Variants in ADGRA3 observed in about 807,000 individuals in gnomAD.
The protein encoded by ADGRA3 is G-protein coupled receptor 125.
ADGRA3 carries 56 observed loss-of-function variants against 119.8 expected under a neutral mutation model. The observed-to-expected ratio is 0.47, with a 90% CI of 0.38 to 0.58. ADGRA3 has a LOEUF of 0.58. ADGRA3 is among the 20% of genes least tolerant of loss of function. The pLI is 0.00. For missense variants in ADGRA3, 1,516 were observed against 1,649.0 expected (o/e 0.92, Z 1.40); for synonymous variants, 607 against 623.8 (o/e 0.97, Z 0.40).
chr4:22,499,731 A>G (rs1434759725), intron 1 of ADGRA3, among the ~76,000 whole-genome samples: 1 of 152,216 alleles, frequency 6.6e-6, no homozygotes, highest in Non-Finnish European at 1.5e-5. Flanking sequence ...ACCGTATAAT[A>G]AATGGATGAT....
chr4:22,467,437 G>A (rs1377463036), intron 2 of ADGRA3, among the ~76,000 whole-genome samples: 1 of 152,092 alleles, frequency 6.6e-6, no homozygotes, highest in Non-Finnish European at 1.5e-5. Flanking sequence ...TTTTGCATAA[G>A]CTAAAAAGCT....
chr4:22,503,772 T>G (rs1173644319), intron 1 of ADGRA3, among the ~76,000 whole-genome samples: 3 of 152,150 alleles, frequency 2.0e-5, no homozygotes, highest in Non-Finnish European at 4.4e-5. Context: ...CATTTACTAA[T>G]CACATACTGT....
In ADGRA3 at chr4:22,413,637, G is replaced by A. The variant is rs940891886; in HGVS notation, c.1987C>T (p.Arg663Cys). 1.1e-5 allele frequency: 17 copies of A among 1,613,952 alleles called. No homozygotes were observed. Among genetic ancestry groups the A allele is most frequent in the East Asian group, 2.2e-5 (1 of 44,862 alleles). The part of the protein sequence containing the change: ...STNLADDGKR[R>C]TVVTPVILTK... ...AGAATCACAGGGGTAACCACAGTACGTCGTTTTCCATCATCAGCCAAATTT... is the reference window on the plus strand; with the variant it reads ...AGAATCACAGGGGTAACCACAGTACATCGTTTTCCATCATCAGCCAAATTT... Residue 663 changes from arginine to cysteine, a missense_variant, in exon 13 of 19, where the codon CGT becomes TGT. Around this residue, in one of 2 missense-constraint regions of ADGRA3, gnomAD observed 1,088 missense variants for 1,107.1 expected, o/e 0.98. Coordinates refer to ENST00000334304, the MANE Select transcript of ADGRA3 (RefSeq NM_145290.4).
intron 3 of ADGRA3, among the ~76,000 whole-genome samples, chr4:22,459,327 G>T (rs780645076): frequency 9.2e-5 from 14 of 151,928 alleles, no homozygotes; most frequent in Non-Finnish European, 1.8e-4. Context: ...GAGGGAGGAG[G>T]GTGGAAGGAG....
intron 17 of ADGRA3, among the ~76,000 whole-genome samples, chr4:22,391,846 C>T (rs572000213): frequency 1.3e-5 from 2 of 152,250 alleles, no homozygotes; most frequent in East Asian, 3.9e-4. Context: ...GTAAAGTTCA[C>T]GCCAGTGGTC....
In ADGRA3 at chr4:22,392,586, C is replaced by G. The variant is rs1714178209; in HGVS notation, c.2586G>C (p.Gln862His). The change falls in exon 17 of 19, where the codon CAG becomes CAC. Residue 862 changes from glutamine (Q) to histidine (H), a missense_variant. Gln to His is a conservative substitution (Grantham distance 24). Transcript: ENST00000334304. The part of the protein sequence containing the change: ...KQVTKKAKRC[Q>H]DPDEPPPPPR... ...GTGGAGGTGGTGGTTCATCAGGATCCTGGCATCTTTTAGCTTTTTTAGTGA... is the reference window on the plus strand; with the variant it reads ...GTGGAGGTGGTGGTTCATCAGGATCGTGGCATCTTTTAGCTTTTTTAGTGA... The G allele has an allele frequency of 6.2e-7, 1 of 1,613,804 alleles. No individual in the cohort carries two copies. Among genetic ancestry groups the G allele is most frequent in the South Asian group, 1.1e-5 (1 of 91,082 alleles).
chr4:22,499,121 C>T (rs1718958360), intron 1 of ADGRA3, among the ~76,000 whole-genome samples: 1 of 152,132 alleles, frequency 6.6e-6, no homozygotes, highest in Non-Finnish European at 1.5e-5. Context: ...CCCCCCTTCC[C>T]CGAACAAGTA....
In ADGRA3 at chr4:22,387,383, TAACA is replaced by T. The variant is rs931590244; in HGVS notation, c.*318_*321del. The T allele has an allele frequency of 5.8e-5, 13 of 224,062 alleles. No homozygotes were observed. Among genetic ancestry groups the T allele is most frequent in the African/African-American group, 3.0e-4 (13 of 43,772 alleles). 13.9% of individuals were successfully genotyped at this position (224,062 alleles called of 1,614,324 possible). ...ATATAAAAATAACAGATCGACACAA[TAACA>T]AACACCTATTTATTATATTAAATAC... is the stretch of plus-strand genomic sequence containing the variant. On this transcript the variant is annotated 3_prime_UTR_variant, in exon 19 of 19. Transcript: ENST00000334304.
intron 1 of ADGRA3, among the ~76,000 whole-genome samples, chr4:22,494,320 AAAAAGGGGAG>A (rs1718736641): frequency 6.6e-6 from 1 of 151,918 alleles, no homozygotes; most frequent in African/African-American, 2.4e-5. Context: ...TATATGGTCT[AAAAAGGGGAG>A]GCATGAATAA....
At chr4:22,446,380 C>T (rs1020610791) in intron 5 of ADGRA3, among the ~76,000 whole-genome samples, 1 of 152,134 alleles carries the variant, frequency 6.6e-6, no homozygotes, top group African/African-American at 2.4e-5. Flanking sequence ...GCCAGACTAG[C>T]TTTTGTCTTT....
intron 1 of ADGRA3, 57 bp downstream of exon 1, chr4:22,515,471 C>G (rs1254647661): frequency 3.2e-6 from 5 of 1,568,266 alleles, no homozygotes; most frequent in Non-Finnish European, 3.5e-6. Flanking sequence ...CAAAGTTGAG[C>G]GGAGAGATAA....
intron 1 of ADGRA3, among the ~76,000 whole-genome samples, chr4:22,496,616 T>C (rs557473503): frequency 2.0e-5 from 3 of 152,246 alleles, no homozygotes; most frequent in South Asian, 2.1e-4. Context: ...AAGGGTGAAA[T>C]TGCTTAATAT....
At chr4:22,495,053 A>G (rs963604327) in intron 1 of ADGRA3, among the ~76,000 whole-genome samples, 3 of 152,062 alleles carry the variant, frequency 2.0e-5, no homozygotes, top group Admixed American at 2.0e-4. Flanking sequence ...AATGTACTGT[A>G]ATAAAAATTA....
At chr4:22,457,533 G>A (rs1323150861) in intron 3 of ADGRA3, among the ~76,000 whole-genome samples, 1 of 152,126 alleles carries the variant, frequency 6.6e-6, no homozygotes, top group Admixed American at 6.5e-5. Flanking sequence ...GTATCTTCTA[G>A]TGGGAAGAAT....
chr4:22,460,006 C>T (rs1308866292), intron 3 of ADGRA3, among the ~76,000 whole-genome samples: 1 of 152,176 alleles, frequency 6.6e-6, no homozygotes, highest in Non-Finnish European at 1.5e-5. Context: ...CTACTTTCTG[C>T]TCTGATCAAA....
At chr4:22,508,296 G>A (rs942257747) in intron 1 of ADGRA3, among the ~76,000 whole-genome samples, 4 of 152,174 alleles carry the variant, frequency 2.6e-5, no homozygotes, top group African/African-American at 9.7e-5. Context: ...CCCAGACTGG[G>A]CTTCCAAGGC....
Position 22,388,929 on chromosome 4 carries a change from T to C in ADGRA3, c.2742A>G (p.Glu914=), listed in dbSNP as rs779731665. 1.9e-6 allele frequency: 3 copies of C among 1,612,150 alleles called. No homozygotes were observed. Among genetic ancestry groups the C allele is most frequent in the South Asian group, 1.1e-5 (1 of 90,946 alleles). ...GCCCATAGAAGGCTCCCAAGGAGGG[T>C]TCCCATGCCATCCAGCAACTGGAAA... ...PNAPYCWMAW[E]PSLGAFYGPA... is the part of the protein sequence containing the mutation. Residue 914 remains glutamate (E), a synonymous_variant, in exon 19 of 19, where the codon GAA becomes GAG. Coordinates refer to ENST00000334304, the MANE Select transcript of ADGRA3 (RefSeq NM_145290.4).
At position 22,447,430 on chromosome 4, in the gene ADGRA3, T is replaced by G. The variant is rs1560322050; in HGVS notation, c.545+10A>C. On this transcript the variant is annotated intron_variant, in intron 5 of 18. Coordinates refer to ENST00000334304, the MANE Select transcript of ADGRA3 (RefSeq NM_145290.4). ...CAAAAAAAAAAAGAGAGAAAAAAAT[T>G]CTTACTTACAAAGACCGTAATGACG... 6.8e-7 allele frequency: 1 copy of G among 1,462,028 alleles called. No individual in the cohort carries two copies. 90.6% of individuals were successfully genotyped at this position (1,462,028 alleles called of 1,614,324 possible).
chr4:22,454,739 T>C (rs1365425775), intron 4 of ADGRA3, 127 bp downstream of exon 4: 2 of 694,104 alleles, frequency 2.9e-6, no homozygotes, highest in Non-Finnish European at 5.1e-6. Flanking sequence ...TGTGAGCTCC[T>C]TGTCCCCTAT....
Sources: gnomAD v4.1 joint callset for allele counts (sites outside exome capture counted in the v4.1 genomes callset) on GRCh38, gnomAD v4.1.1 for gene constraint, gnomAD v4.1.1 regional missense constraint, MANE v1.5 for transcripts, NCBI Gene and HGNC (gene_info 2026-07-23, HGNC 2026-07-21) for gene names.